The following RNF115 variants were observed in gnomAD, a reference collection of about 807,000 sequenced individuals.
RNF115 encodes the protein ring finger protein 115, also known as E3 ubiquitin-protein ligase RNF115.
Under a neutral mutation model 39.2 loss-of-function variants are expected in RNF115, and 31 were observed. The ratio of observed to expected loss-of-function variants is 0.79; its 90% CI spans 0.59 to 1.07. The LOEUF (loss-of-function observed/expected upper bound fraction) is 1.07. Among genes scored for constraint, RNF115 ranks in the 50% least tolerant of loss-of-function variants. RNF115 has a pLI of 0.00. For synonymous variants in RNF115, 124 were observed against 131.0 expected, an observed-to-expected ratio of 0.95 and a Z score of 0.37; for missense variants, 384 against 381.7, an observed-to-expected ratio of 1.01 and a Z score of -0.05.
In RNF115 at chr1:145,741,525, A is replaced by G. The variant is rs770414374; in HGVS notation, c.*5341T>C. ...TGGCTCGCTGGCTGAATACTGAGAC[A>G]CTGACATTACTGCAGGCTAGGATTT... On this transcript the variant is annotated 3_prime_UTR_variant, in exon 9 of 9. Coordinates refer to ENST00000582693, the MANE Select transcript of RNF115 (RefSeq NM_014455.4). 1 of 152,146 alleles carries G rather than the reference A, an allele frequency of 6.6e-6. No homozygotes were observed. The highest frequency in any genetic ancestry group is 1.5e-5 in the Non-Finnish European group (1 of 68,026). The allele number at this position is 152,146 out of a possible 1,614,324, so 9.4% of individuals were successfully genotyped here. A position where few individuals can be genotyped will look rare whatever the true frequency, so the allele number is the denominator to read the frequency against.
chr1:145,753,425 T>G (rs1444675055), intron 4 of RNF115, among the ~76,000 whole-genome samples: 1 of 152,188 alleles, frequency 6.6e-6, no homozygotes, highest in Non-Finnish European at 1.5e-5. Context: ...TAGTTCCATT[T>G]TTGTATGTTG....
At chr1:145,757,944 T>C (rs1553713427) in intron 4 of RNF115, among the ~76,000 whole-genome samples, 1 of 152,238 alleles carries the variant, frequency 6.6e-6, no homozygotes, top group African/African-American at 2.4e-5. Flanking sequence ...TTCAAGCTGA[T>C]GCTATAGAAG....
At chr1:145,805,374 A>G (rs1313693571) in intron 1 of RNF115, among the ~76,000 whole-genome samples, 1 of 152,096 alleles carries the variant, frequency 6.6e-6, no homozygotes, top group Non-Finnish European at 1.5e-5. Context: ...CAAAGCAAAC[A>G]AAGAATATTT....
chr1:145,739,147 T>C lies in RNF115; in HGVS notation c.*7719A>G, dbSNP rs1259319834. On this transcript the variant is annotated 3_prime_UTR_variant, in exon 9 of 9. Coordinates refer to ENST00000582693, the MANE Select transcript of RNF115 (RefSeq NM_014455.4). ...ATTTCTCTTTTTAAATAAATGCCCA[T>C]AGCAGTATTTGGAGTCTTTTCTTTT... is the stretch of plus-strand genomic sequence containing the variant. The C allele has an allele frequency of 2.0e-5, 3 of 152,268 alleles. No homozygotes were observed. The highest frequency in any genetic ancestry group is 2.1e-4 in the South Asian group (1 of 4,832). 9.4% of individuals were successfully genotyped at this position (152,268 alleles called of 1,614,324 possible). A position where few individuals can be genotyped will look rare whatever the true frequency, so the allele number is the denominator to read the frequency against.
At chr1:145,784,846 AGG>A (rs1422889848) in intron 2 of RNF115, among the ~76,000 whole-genome samples, 2 of 152,158 alleles carry the variant, frequency 1.3e-5, no homozygotes, top group African/African-American at 4.8e-5. Context: ...ACCATAGAGA[AGG>A]AAGGAGGACC....
At chr1:145,794,944 G>A (rs12744964) in intron 1 of RNF115, among the ~76,000 whole-genome samples, 1 of 151,082 alleles carries the variant, frequency 6.6e-6, no homozygotes, top group Non-Finnish European at 1.5e-5. Context: ...GTGAACCCGG[G>A]AGGCGGAGCT....
At chr1:145,804,499 GCACACA>G (rs35848173) in intron 1 of RNF115, among the ~76,000 whole-genome samples, 42,612 of 148,024 alleles carry the variant, frequency 0.29, 6,794 homozygotes, top group Non-Finnish European at 0.36. Context: ...ATGCATGCAT[GCACACA>G]CACACACACA....
intron 1 of RNF115, among the ~76,000 whole-genome samples, chr1:145,791,959 T>A (rs2101574829): frequency 6.6e-6 from 1 of 152,258 alleles, no homozygotes; most frequent in African/African-American, 2.4e-5. Context: ...TGAGACAGGA[T>A]CTCACTCTGT....
rs1657793316 is a variant in RNF115, at chr1:145,744,370, AG to A, written c.*2495del. ...AGTGTGTATTCTCAAGCTACATTTC[AG>A]GGGCAACGCACAGTAAGTAGATCTC... is the stretch of plus-strand genomic sequence containing the variant. On this transcript the variant is annotated 3_prime_UTR_variant, in exon 9 of 9. Coordinates refer to ENST00000582693, the MANE Select transcript of RNF115 (RefSeq NM_014455.4). 2.6e-5 allele frequency: 4 copies of A among 152,304 alleles called. No individual in the cohort carries two copies. The highest frequency in any genetic ancestry group is 2.6e-4 in the Admixed American group (4 of 15,278). 9.4% of individuals were successfully genotyped at this position (152,304 alleles called of 1,614,324 possible).
At chr1:145,823,388 CAG>C in intron 1 of RNF115, among the ~76,000 whole-genome samples, 1 of 140,830 alleles carries the variant, frequency 7.1e-6, no homozygotes, top group Middle Eastern at 3.5e-3. Flanking sequence ...GAAAAGAACA[CAG>C]AGGAAGGTGA....
intron 4 of RNF115, among the ~76,000 whole-genome samples, chr1:145,764,014 C>T (rs1385574550): frequency 2.6e-5 from 4 of 151,560 alleles, no homozygotes; most frequent in Non-Finnish European, 1.5e-5. Flanking sequence ...AACCTCCCTG[C>T]CTGATTCTCC....
intron 4 of RNF115, among the ~76,000 whole-genome samples, chr1:145,764,781 C>T (rs1428967220): frequency 1.3e-5 from 2 of 151,166 alleles, no homozygotes; most frequent in African/African-American, 2.4e-5. Context: ...CCCAGCCAGC[C>T]GCCCCATCCG....
In RNF115 at chr1:145,745,297, T is replaced by C. The variant is rs1657828955; in HGVS notation, c.*1569A>G. The C allele has an allele frequency of 6.6e-6, 1 of 152,060 alleles. No individual in the cohort carries two copies. The highest frequency in any genetic ancestry group is 1.5e-5 in the Non-Finnish European group (1 of 68,110). 9.4% of individuals were successfully genotyped at this position (152,060 alleles called of 1,614,324 possible). On this transcript the variant is annotated 3_prime_UTR_variant, in exon 9 of 9. Transcript: ENST00000582693. ...CCCTATCTCTACAAAAATACAAAAATTACCCAGGCATGGTGGCACACGCCT... is the reference window on the plus strand; with the variant it reads ...CCCTATCTCTACAAAAATACAAAAACTACCCAGGCATGGTGGCACACGCCT...
chr1:145,748,161 A>C, intron 7 of RNF115, 51 bp from the exon 8 acceptor site: 1 of 1,306,454 alleles, frequency 7.7e-7, no homozygotes, highest in East Asian at 2.3e-5. Context: ...AGGAAAGAAG[A>C]AAAAACTAAC....
intron 1 of RNF115, among the ~76,000 whole-genome samples, chr1:145,790,439 CTTTTT>C (rs1173924950): frequency 6.9e-6 from 1 of 144,230 alleles, no homozygotes; most frequent in African/African-American, 2.6e-5. Flanking sequence ...TGCGCCCGGC[CTTTTT>C]TTTTTAAGAC....
At chr1:145,801,177 G>A (rs1299043101) in intron 1 of RNF115, among the ~76,000 whole-genome samples, 7 of 151,512 alleles carry the variant, frequency 4.6e-5, no homozygotes, top group African/African-American at 1.2e-4. Flanking sequence ...GCAAGACTCC[G>A]TCTCAAAAAA....
intron 4 of RNF115, among the ~76,000 whole-genome samples, chr1:145,763,051 T>A (rs1178872282): frequency 1.3e-5 from 2 of 152,054 alleles, no homozygotes; most frequent in Non-Finnish European, 2.9e-5. Context: ...TACCTATAGG[T>A]ACTATGTTCA....
chr1:145,784,596 A>C lies in RNF115; in HGVS notation c.162T>G (p.Ser54Arg). The C allele has an allele frequency of 5.0e-6, 8 of 1,613,886 alleles. No individual in the cohort carries two copies. The highest frequency in any genetic ancestry group is 6.8e-6 in the Non-Finnish European group (8 of 1,179,794). ...GFIEEVTDDS[S>R]FLGGGGSRID... ...TCCGACTGCCGCCACCACCTAAAAA[A>C]CTAAAGAGAAAAGGAATGAGTGGTG... Residue 54 changes from serine (S) to arginine (R), a missense_variant and splice_region_variant, in exon 3 of 9, where the codon AGT (serine) becomes AGG (arginine). Physicochemically the swap from Ser to Arg is moderately radical, Grantham distance 110 (BLOSUM62 -1). Transcript: ENST00000582693.
chr1:145,794,890 G>A (rs1254645258), intron 1 of RNF115, among the ~76,000 whole-genome samples: 2 of 151,754 alleles, frequency 1.3e-5, no homozygotes, highest in Admixed American at 1.3e-4. Context: ...GGTGGCGGGC[G>A]CCTGTAGTCC....
Sources: gnomAD v4.1 joint callset for allele counts (sites outside exome capture counted in the v4.1 genomes callset) on GRCh38, gnomAD v4.1.1 for gene constraint, MANE v1.5 for transcripts, NCBI Gene and HGNC (gene_info 2026-07-23, HGNC 2026-07-21) for gene names.